MYO1B: variants seen among roughly 807,000 people sequenced by gnomAD.
MYO1B encodes the protein myosin IB.
Under a neutral mutation model 159.7 loss-of-function variants are expected in MYO1B, and 72 were observed. The ratio of observed to expected loss-of-function variants is 0.45; its 90% CI spans 0.37 to 0.55. The LOEUF (loss-of-function observed/expected upper bound fraction) is 0.55. Ranked by LOEUF, MYO1B falls within the 20% of genes least tolerant of loss-of-function variation. The pLI, the probability that MYO1B is intolerant of heterozygous loss-of-function variation, is 0.00. For missense variants in MYO1B, 1,062 were observed against 1,364.8 expected (o/e 0.78, Z 3.50); for synonymous variants, 468 against 473.8 (o/e 0.99, Z 0.16).
intron 7 of MYO1B, among the ~76,000 whole-genome samples, chr2:191,353,570 GGT>G (rs1356694234): frequency 2.0e-5 from 3 of 152,208 alleles, no homozygotes; most frequent in African/African-American, 7.2e-5. Context: ...TGACACAGCA[GGT>G]GTGTAAGTGC....
chr2:191,407,193 A>G (rs1696970839), intron 24 of MYO1B, among the ~76,000 whole-genome samples: 1 of 152,242 alleles, frequency 6.6e-6, no homozygotes, highest in Non-Finnish European at 1.5e-5. Context: ...CAGAACATTT[A>G]TCTGTAAACT....
rs750643495 is a variant in MYO1B, at chr2:191,364,139, A to G, written c.914-19A>G. 6.3e-7 allele frequency: 1 copy of G among 1,597,884 alleles called. No individual in the cohort carries two copies. Among genetic ancestry groups the G allele is most frequent in the Non-Finnish European group, 8.6e-7 (1 of 1,165,508 alleles). On this transcript the variant is annotated intron_variant, in intron 10 of 30. Transcript: ENST00000392318. The stretch of plus-strand genomic sequence containing the variant: ...ACGTGTACAGTCACTTTTTGTGTCC[A>G]TCCCCTGCCTTCCCACAGAGTTAAA...
intron 1 of MYO1B, among the ~76,000 whole-genome samples, chr2:191,254,175 G>GC (rs1487135966): frequency 1.3e-5 from 2 of 151,984 alleles, no homozygotes; most frequent in African/African-American, 4.8e-5. Flanking sequence ...AAATAACTTA[G>GC]CCTTTATTGA....
chr2:191,325,578 T>C (rs1424423693), intron 3 of MYO1B, among the ~76,000 whole-genome samples: 1 of 152,116 alleles, frequency 6.6e-6, no homozygotes, highest in Admixed American at 6.5e-5. Context: ...CATGGGGCCA[T>C]GTTTGAAAGA....
chr2:191,405,308 C>T (rs1355639665), intron 24 of MYO1B, among the ~76,000 whole-genome samples: 1 of 152,220 alleles, frequency 6.6e-6, no homozygotes, highest in Non-Finnish European at 1.5e-5. Context: ...GCCACATCTG[C>T]AGTTACTTCC....
intron 1 of MYO1B, among the ~76,000 whole-genome samples, chr2:191,271,015 C>T (rs1687423906): frequency 6.6e-6 from 1 of 152,150 alleles, no homozygotes; most frequent in African/African-American, 2.4e-5. Context: ...CTTGTTTTCC[C>T]TTTGTATATC....
intron 1 of MYO1B, among the ~76,000 whole-genome samples, chr2:191,268,681 T>G (rs1046279714): frequency 6.6e-6 from 1 of 152,194 alleles, no homozygotes; most frequent in African/African-American, 2.4e-5. Context: ...CATTCTTCTC[T>G]TCAGATAGGC....
intron 3 of MYO1B, among the ~76,000 whole-genome samples, chr2:191,321,500 G>A (rs1467522855): frequency 1.3e-5 from 2 of 152,144 alleles, no homozygotes; most frequent in African/African-American, 4.8e-5. Context: ...AAAGGTGATT[G>A]TTAGAATTCT....
At chr2:191,294,061 G>A (rs1688838496) in intron 2 of MYO1B, among the ~76,000 whole-genome samples, 1 of 152,136 alleles carries the variant, frequency 6.6e-6, no homozygotes, top group South Asian at 2.1e-4. Context: ...GTACATCATG[G>A]TGGGCCAGAC....
At chr2:191,307,020 C>T (rs558867205) in intron 3 of MYO1B, among the ~76,000 whole-genome samples, 116 of 152,164 alleles carry the variant, frequency 7.6e-4, no homozygotes, top group African/African-American at 2.7e-3. Flanking sequence ...AGAAATAATT[C>T]GAGGTGAATC....
At chr2:191,274,837 C>T (rs2125733933) in intron 1 of MYO1B, among the ~76,000 whole-genome samples, 1 of 152,258 alleles carries the variant, frequency 6.6e-6, no homozygotes, top group African/African-American at 2.4e-5. Context: ...GCCCAGCCAA[C>T]TTCAAAATAT....
chr2:191,412,968 A>T (rs1474753387), intron 27 of MYO1B, among the ~76,000 whole-genome samples: 1 of 152,236 alleles, frequency 6.6e-6, no homozygotes, highest in Non-Finnish European at 1.5e-5. Context: ...CTTATGATGC[A>T]GTTACACACA....
chr2:191,393,608 T>C (rs1008350752), intron 20 of MYO1B, among the ~76,000 whole-genome samples: 1 of 152,228 alleles, frequency 6.6e-6, no homozygotes, highest in African/African-American at 2.4e-5. Flanking sequence ...TTCAAAGTAA[T>C]TGGCTATTCT....
intron 9 of MYO1B, 54 bp from the exon 10 acceptor site, chr2:191,363,669 AAAAAG>A: frequency 5.9e-6 from 9 of 1,535,622 alleles, no homozygotes; most frequent in Admixed American, 2.2e-5. Flanking sequence ...TGATTCATTA[AAAAAG>A]AAAAGAAAAT....
chr2:191,415,285 A>G (rs1314083928), intron 29 of MYO1B, among the ~76,000 whole-genome samples: 4 of 152,256 alleles, frequency 2.6e-5, no homozygotes, highest in Non-Finnish European at 5.9e-5. Flanking sequence ...CTGTCACATA[A>G]CACATAGTCA....
At position 191,381,548 on chromosome 2, in the gene MYO1B, G is replaced by A. The variant is rs1695040776; in HGVS notation, c.1272G>A (p.Gln424=). The change falls in exon 14 of 31, where the codon CAG becomes CAA. Residue 424 remains glutamine (Q), a synonymous_variant. Coordinates refer to ENST00000392318, the MANE Select transcript of MYO1B (RefSeq NM_001130158.3). ...TTGAACTTACTCTTAAAGAAGAGCA[G>A]GAGGAGTATATACGGGAGGTAATGT... ...IFIELTLKEE[Q]EEYIREDIEW... 1 of 1,612,046 alleles carries A rather than the reference G, an allele frequency of 6.2e-7. No homozygotes were observed. The highest frequency in any genetic ancestry group is 8.5e-7 in the Non-Finnish European group (1 of 1,178,848).
At chr2:191,311,875 A>G (rs1225440129) in intron 3 of MYO1B, among the ~76,000 whole-genome samples, 1 of 152,218 alleles carries the variant, frequency 6.6e-6, no homozygotes, top group African/African-American at 2.4e-5. Context: ...GTGTGGAAAC[A>G]TGTGCATGGG....
intron 4 of MYO1B, among the ~76,000 whole-genome samples, chr2:191,333,309 A>G (rs1268597677): frequency 9.2e-5 from 14 of 152,132 alleles, no homozygotes; most frequent in Admixed American, 9.2e-4. Flanking sequence ...GGGGTCTAAC[A>G]TGCATCTCAG....
At chr2:191,251,732 A>G (rs907197614) in intron 1 of MYO1B, among the ~76,000 whole-genome samples, 2 of 152,250 alleles carry the variant, frequency 1.3e-5, no homozygotes, top group Admixed American at 1.3e-4. Context: ...AATTGAAAGG[A>G]CAGTGGAACA....
Sources: allele counts gnomAD v4.1 joint callset (sites outside exome capture counted in the v4.1 genomes callset), GRCh38; gene constraint gnomAD v4.1.1; transcripts MANE v1.5; gene names NCBI Gene and HGNC (gene_info 2026-07-23, HGNC 2026-07-21).